HSD17B4: variants seen among roughly 807,000 people sequenced by gnomAD.
HSD17B4 encodes the protein peroxisomal multifunctional enzyme type 2.
In HSD17B4, 70 loss-of-function variants were observed where a neutral mutation model predicts 101.0. That is an observed-to-expected ratio of 0.69 (90% CI 0.57 to 0.85). HSD17B4 has a LOEUF of 0.85. HSD17B4 is among the 40% of genes least tolerant of loss of function. The pLI is 0.00. For synonymous variants in HSD17B4, 347 were observed against 297.1 expected (o/e 1.17, Z -1.73); for missense variants, 984 against 892.4 (o/e 1.10, Z -1.31).
Position 119,461,302 on chromosome 5 carries a change from AAAC to A in HSD17B4, c.112+4937_112+4939del, listed in dbSNP as rs572211239. Reference sequence around the variant, plus strand: ...AAATAAAATGTGAACTAAATAGGCAAAACAATAATAAATATAAATATAAGCCAT... The same window carrying A: ...AAATAAAATGTGAACTAAATAGGCAAAATAATAAATATAAATATAAGCCAT... On this transcript the variant is annotated intron_variant, in intron 2 of 23. Transcript: ENST00000510025. Among the ~76,000 whole-genome samples the A allele has an allele frequency of 1.7e-3, 252 of 152,322 alleles. 5 individuals carry two copies. In the South Asian group the frequency reaches 0.046, roughly 28 times the overall value.
chr5:119,530,044 T>A (rs1753928808), intron 21 of HSD17B4, 64 bp downstream of exon 21: 1 of 928,994 alleles, frequency 1.1e-6, no homozygotes, highest in African/African-American at 1.6e-5. Context: ...AAGGTGACTT[T>A]AAGAGTGGTT....
chr5:119,487,650 C>CT (rs1260850946), intron 8 of HSD17B4, among the ~76,000 whole-genome samples: 2 of 151,908 alleles, frequency 1.3e-5, no homozygotes, highest in African/African-American at 4.8e-5. Context: ...ATGTTCTTTT[C>CT]TTTTTTCTCA....
chr5:119,530,754 G>A (rs1340092070), intron 21 of HSD17B4, among the ~76,000 whole-genome samples: 3 of 143,594 alleles, frequency 2.1e-5, no homozygotes, highest in Non-Finnish European at 4.5e-5. Context: ...TCAAGAAGCT[G>A]AAGCAGGAGA....
chr5:119,507,804 A>C (rs558534730), intron 15 of HSD17B4, among the ~76,000 whole-genome samples: 1 of 151,756 alleles, frequency 6.6e-6, no homozygotes, highest in Non-Finnish European at 1.5e-5. Context: ...AAAAATTTGT[A>C]CATTTTATAA....
At position 119,489,179 on chromosome 5, in the gene HSD17B4, T is replaced by G. The variant is rs1749871355; in HGVS notation, c.623-13T>G. The G allele has an allele frequency of 6.5e-7, 1 of 1,530,254 alleles. No homozygotes were observed. The allele number at this position is 1,530,254 out of a possible 1,614,324, so 94.8% of individuals were successfully genotyped here. A position where few individuals can be genotyped will look rare whatever the true frequency, so the allele number is the denominator to read the frequency against. ...AAATGATTGATAAGATATGTGTATA[T>G]TCTTTATTTCAGATCTTGTGGAAGC... On this transcript the variant is annotated splice_polypyrimidine_tract_variant and intron_variant, in intron 8 of 23. Coordinates refer to ENST00000510025, the MANE Select transcript of HSD17B4 (RefSeq NM_000414.4).
chr5:119,481,234 A>G (rs1749098717), intron 8 of HSD17B4, among the ~76,000 whole-genome samples: 1 of 152,218 alleles, frequency 6.6e-6, no homozygotes, highest in African/African-American at 2.4e-5. Context: ...AGACAGGCAT[A>G]AGAAATTACA....
intron 17 of HSD17B4, among the ~76,000 whole-genome samples, chr5:119,524,171 AAT>A (rs1753366696): frequency 6.6e-6 from 1 of 152,136 alleles, no homozygotes; most frequent in Non-Finnish European, 1.5e-5. Flanking sequence ...TAAAGGAAAG[AAT>A]ATTGAGTCAT....
chr5:119,521,426 T>C lies in HSD17B4; in HGVS notation c.1504-3790T>C, dbSNP rs79222632. On this transcript the variant is annotated intron_variant, in intron 17 of 23. Coordinates refer to ENST00000510025, the MANE Select transcript of HSD17B4 (RefSeq NM_000414.4). ...TTTTTAATATGTATATTCATGTCTT[T>C]TAGTTTTATAGTATTAAAATTTTAA... is the stretch of plus-strand genomic sequence containing the variant. Among the ~76,000 whole-genome samples the C allele has an allele frequency of 1.7e-3, 258 of 152,282 alleles. 2 individuals are homozygous for C. The East Asian group carries it at 0.019, about 11-fold the overall frequency.
intron 7 of HSD17B4, among the ~76,000 whole-genome samples, 155 bp from the exon 8 acceptor site, chr5:119,478,679 A>G (rs536841970): frequency 6.6e-6 from 1 of 152,320 alleles, no homozygotes; most frequent in Non-Finnish European, 1.5e-5. Context: ...CTTATATATT[A>G]ATATTATTTT....
chr5:119,523,508 C>G (rs1159012992), intron 17 of HSD17B4, among the ~76,000 whole-genome samples: 2 of 152,080 alleles, frequency 1.3e-5, no homozygotes, highest in African/African-American at 2.4e-5. Context: ...GGTCAAACAT[C>G]TAGTCAGTTG....
At chr5:119,540,593 G>T (rs1367092587) in intron 23 of HSD17B4, among the ~76,000 whole-genome samples, 1 of 152,124 alleles carries the variant, frequency 6.6e-6, no homozygotes, top group Non-Finnish European at 1.5e-5. Flanking sequence ...TTGTTTGTTT[G>T]TTTTTTGTAA....
intron 18 of HSD17B4, chr5:119,525,658 C>A (rs1030180518): frequency 1.9e-6 from 1 of 532,894 alleles, no homozygotes; most frequent in Non-Finnish European, 3.3e-6. Context: ...TGGTTACAAC[C>A]AAAACTAAAC....
At chr5:119,471,285 CTCTT>C (rs1335339318) in intron 2 of HSD17B4, among the ~76,000 whole-genome samples, 1 of 151,856 alleles carries the variant, frequency 6.6e-6, no homozygotes, top group Non-Finnish European at 1.5e-5. Flanking sequence ...TAATACAAGC[CTCTT>C]TCTATTATTT....
intron 2 of HSD17B4, among the ~76,000 whole-genome samples, chr5:119,466,461 T>G (rs1307877988): frequency 1.3e-5 from 2 of 152,212 alleles, no homozygotes; most frequent in Non-Finnish European, 2.9e-5. Flanking sequence ...CTTGGGAGAC[T>G]TTTTATACCC....
intron 8 of HSD17B4, among the ~76,000 whole-genome samples, chr5:119,482,454 T>C (rs910402770): frequency 6.6e-6 from 1 of 152,182 alleles, no homozygotes; most frequent in African/African-American, 2.4e-5. Flanking sequence ...TATATGAATC[T>C]GGTTCTAATG....
At chr5:119,517,305 G>A (rs1391234867) in intron 17 of HSD17B4, among the ~76,000 whole-genome samples, 1 of 152,208 alleles carries the variant, frequency 6.6e-6, no homozygotes, top group African/African-American at 2.4e-5. Flanking sequence ...CACCGGTGCT[G>A]TGCTCGATTT....
chr5:119,468,222 A>G (rs879617168), intron 2 of HSD17B4, among the ~76,000 whole-genome samples: 4 of 151,904 alleles, frequency 2.6e-5, no homozygotes, highest in Admixed American at 6.6e-5. Flanking sequence ...TTAAGCTTTC[A>G]TATGTTTTCA....
At chr5:119,511,531 TC>T (rs1752166995) in intron 16 of HSD17B4, among the ~76,000 whole-genome samples, 2 of 151,990 alleles carry the variant, frequency 1.3e-5, no homozygotes, top group Non-Finnish European at 2.9e-5. Context: ...AGAACAGTAA[TC>T]TAGCAATTAG....
intron 2 of HSD17B4, among the ~76,000 whole-genome samples, chr5:119,470,137 T>A (rs1756214037): frequency 6.6e-6 from 1 of 152,032 alleles, no homozygotes; most frequent in Non-Finnish European, 1.5e-5. Context: ...CTCTGGGGAA[T>A]GCGTATGTCA....
Sources: gnomAD v4.1 joint callset for allele counts (sites outside exome capture counted in the v4.1 genomes callset) on GRCh38, gnomAD v4.1.1 for gene constraint, MANE v1.5 for transcripts, NCBI Gene and HGNC (gene_info 2026-07-23, HGNC 2026-07-21) for gene names.